CRTAC1: variants seen among roughly 807,000 people sequenced by gnomAD.
CRTAC1 encodes the protein acidic secreted protein in cartilage.
Under a neutral mutation model 67.8 loss-of-function variants are expected in CRTAC1, and 37 were observed. The observed-to-expected ratio is 0.55, with a 90% CI of 0.42 to 0.72. The LOEUF (loss-of-function observed/expected upper bound fraction) is 0.72, where lower values mean the gene tolerates loss of function less well. CRTAC1 is among the 30% of genes least tolerant of loss of function. The pLI, the probability that CRTAC1 is intolerant of heterozygous loss-of-function variation, is 0.00. For synonymous variants in CRTAC1, 348 were observed against 371.0 expected (o/e 0.94, Z 0.71); for missense variants, 780 against 931.6 (o/e 0.84, Z 2.12).
At chr10:97,982,570 T>C (rs1430957891) in intron 2 of CRTAC1, among the ~76,000 whole-genome samples, 2 of 152,290 alleles carry the variant, frequency 1.3e-5, no homozygotes, top group African/African-American at 2.4e-5. Context: ...ATCAGAAAAT[T>C]GGATGAAAGC....
intron 8 of CRTAC1, among the ~76,000 whole-genome samples, chr10:97,900,429 G>A (rs1327955617): frequency 6.6e-6 from 1 of 152,204 alleles, no homozygotes; most frequent in Non-Finnish European, 1.5e-5. Context: ...AAATAAACCT[G>A]TATTTACTTG....
Position 97,914,580 on chromosome 10 carries a change from C to T in CRTAC1, c.715+2920G>A, listed in dbSNP as rs527988532. Among the ~76,000 whole-genome samples the T allele has an allele frequency of 2.0e-5, 3 of 152,306 alleles. No homozygotes were observed. In the South Asian group the frequency reaches 6.2e-4, roughly 32 times the overall value. Reference sequence around the variant, plus strand: ...TGTGGCCTGGCTCCAGACCCTGTCCCCTCACCTGCTAGTTCAATGTCCTCA... The same window carrying T: ...TGTGGCCTGGCTCCAGACCCTGTCCTCTCACCTGCTAGTTCAATGTCCTCA... On this transcript the variant is annotated intron_variant, in intron 5 of 14. Transcript: ENST00000370597.
At chr10:97,979,828 G>A (rs565976323) in intron 2 of CRTAC1, among the ~76,000 whole-genome samples, 1 of 152,208 alleles carries the variant, frequency 6.6e-6, no homozygotes, top group East Asian at 1.9e-4. Context: ...CCTGCAGCAG[G>A]GGCTGAGAAG....
Position 97,884,275 on chromosome 10 carries a change from C to G in CRTAC1, c.1563G>C (p.Glu521Asp). 1.3e-6 allele frequency: 2 copies of G among 1,559,760 alleles called. No homozygotes were observed. Among genetic ancestry groups the G allele is most frequent in the Non-Finnish European group, 1.7e-6 (2 of 1,151,122 alleles). The change falls in exon 12 of 15, where the codon GAG becomes GAC. Residue 521 changes from glutamate (E) to aspartate (D), a missense_variant. Physicochemically the swap from Glu to Asp is conservative, Grantham distance 45 (BLOSUM62 2). Transcript: ENST00000370597. ...KMVSRNVASG[E>D]MNSVLEILYP... The stretch of plus-strand genomic sequence containing the variant: ...AGAGGATCTCCAGCACTGAGTTCAT[C>G]TCCCCGCTGGCCACGTTCCGGCTCA...
At chr10:97,928,099 G>A (rs2050949312) in intron 3 of CRTAC1, among the ~76,000 whole-genome samples, 1 of 152,226 alleles carries the variant, frequency 6.6e-6, no homozygotes, top group African/African-American at 2.4e-5. Context: ...AGCATTTGGG[G>A]CAGGGCAGGG....
intron 11 of CRTAC1, among the ~76,000 whole-genome samples, chr10:97,894,919 G>A (rs1371564576): frequency 4.0e-5 from 6 of 150,886 alleles, no homozygotes; most frequent in African/African-American, 7.3e-5. Context: ...GTTTGGACAC[G>A]TTTGGTGCAG....
At chr10:97,915,033 G>C (rs1324623412) in intron 5 of CRTAC1, among the ~76,000 whole-genome samples, 1 of 152,088 alleles carries the variant, frequency 6.6e-6, no homozygotes, top group Non-Finnish European at 1.5e-5. Context: ...CCGGTACCTG[G>C]ATAGCACCTT....
intron 14 of CRTAC1, among the ~76,000 whole-genome samples, chr10:97,877,382 T>C (rs536049): frequency 0.031 from 4,750 of 152,330 alleles, 105 homozygotes; most frequent in Non-Finnish European, 0.043. Context: ...TGGCACATAA[T>C]AGGTGCTCAA....
rs1178964380 is a variant in CRTAC1 at position 97,910,850 on chromosome 10, T to G, written c.716-2703A>C. 2.0e-5 allele frequency among the ~76,000 whole-genome samples: 3 copies of G among 152,332 alleles called. No homozygotes were observed. The South Asian group carries it at 6.2e-4, about 32-fold the overall frequency. On this transcript the variant is annotated intron_variant, in intron 5 of 14. Coordinates refer to ENST00000370597, the MANE Select transcript of CRTAC1 (RefSeq NM_018058.7). Reference sequence around the variant, plus strand: ...CATAGTTAACACATTCTGGGCTGGATGCCTCCCAGATTCCTCCCAGATAAT... The same window carrying G: ...CATAGTTAACACATTCTGGGCTGGAGGCCTCCCAGATTCCTCCCAGATAAT...
At position 97,877,675 on chromosome 10, in the gene CRTAC1, G is replaced by A. The variant is rs77299355; in HGVS notation, c.1819+2574C>T. 2.4e-3 allele frequency among the ~76,000 whole-genome samples: 372 copies of A among 152,314 alleles called. 1 individual carries two copies. The highest frequency in any genetic ancestry group is 8.6e-3 in the African/African-American group (357 of 41,564). On this transcript the variant is annotated intron_variant, in intron 14 of 14. Transcript: ENST00000370597. ...TGAATCAAATGGAAGCCTTATCCTG[G>A]AGTCTGAGTGCTGCAGTGGTGCTCT...
At chr10:97,882,004 C>T (rs2050221243) in intron 13 of CRTAC1, among the ~76,000 whole-genome samples, 1 of 152,202 alleles carries the variant, frequency 6.6e-6, no homozygotes, top group South Asian at 2.1e-4. Context: ...TGGTCGACAG[C>T]TGTTTACTTT....
chr10:97,971,195 A>C (rs2051705647), intron 2 of CRTAC1, among the ~76,000 whole-genome samples: 1 of 152,264 alleles, frequency 6.6e-6, no homozygotes, highest in Admixed American at 6.5e-5. Context: ...CATATTTTTC[A>C]TACCTTTTGA....
chr10:97,964,689 C>T (rs1564914735), intron 2 of CRTAC1, among the ~76,000 whole-genome samples: 1 of 152,184 alleles, frequency 6.6e-6, no homozygotes, highest in African/African-American at 2.4e-5. Flanking sequence ...ATTCGCCTGA[C>T]CTTATTAGGC....
At chr10:97,896,834 C>CGA in intron 9 of CRTAC1, 75 bp downstream of exon 9, 1 of 309,986 alleles carries the variant, frequency 3.2e-6, no homozygotes, top group Non-Finnish European at 6.9e-6. Context: ...GCTGCCCCGT[C>CGA]CCTCCCGCCC....
intron 2 of CRTAC1, among the ~76,000 whole-genome samples, chr10:97,938,352 T>C (rs2051122116): frequency 6.6e-6 from 1 of 152,186 alleles, no homozygotes; most frequent in Non-Finnish European, 1.5e-5. Context: ...CCATCACTAC[T>C]GCACCTTGTA....
Position 97,923,508 on chromosome 10 carries a change from A to AG in CRTAC1, c.422-109dup, listed in dbSNP as rs547712228. On this transcript the variant is annotated intron_variant, in intron 3 of 14. Transcript: ENST00000370597. ...TTCACAAGGTGGTTGGGACCAGAGG[A>AG]GGTTGGGTCATCTGCGGCAAGGAAG... 208 of 1,388,736 alleles carry AG rather than the reference A, an allele frequency of 1.5e-4. No homozygotes were observed. In the African/African-American group the frequency reaches 2.8e-3, roughly 18 times the overall value. 86.0% of individuals were successfully genotyped at this position (1,388,736 alleles called of 1,614,324 possible). A position where few individuals can be genotyped will look rare whatever the true frequency, so the allele number is the denominator to read the frequency against.
In CRTAC1 at chr10:97,990,719, C is replaced by A. The variant is rs140711225; in HGVS notation, c.224+20419G>T. Reference sequence around the variant, plus strand: ...GGAGTTGCTCTCATTCACCACTAACCTCCAGGGCTCAGCAAGGTGCCTTGC... The same window carrying A: ...GGAGTTGCTCTCATTCACCACTAACATCCAGGGCTCAGCAAGGTGCCTTGC... On this transcript the variant is annotated intron_variant, in intron 2 of 14. Coordinates refer to ENST00000370597, the MANE Select transcript of CRTAC1 (RefSeq NM_018058.7). Among the ~76,000 whole-genome samples the A allele has an allele frequency of 4.5e-3, 680 of 152,304 alleles. 5 individuals carry two copies. Among genetic ancestry groups the A allele is most frequent in the Admixed American group, 7.8e-3 (120 of 15,306 alleles).
rs766490642 is a variant in CRTAC1 at position 97,896,943 on chromosome 10, G to A, written c.1182C>T (p.Pro394=). ...HGDPLIEELN[P]GDALEPEGRG... is the part of the protein sequence containing the mutation. Reference sequence around the variant, plus strand: ...GGCCCTCAGGCTCCAAGGCGTCGCCGGGATTGAGCTCCTCGATGAGGGGGT... The same window carrying A: ...GGCCCTCAGGCTCCAAGGCGTCGCCAGGATTGAGCTCCTCGATGAGGGGGT... Residue 394 remains proline (P), a synonymous_variant, in exon 9 of 15, where the codon CCC becomes CCT. Coordinates refer to ENST00000370597, the MANE Select transcript of CRTAC1 (RefSeq NM_018058.7). 25 of 1,551,708 alleles carry A rather than the reference G, an allele frequency of 1.6e-5. No individual in the cohort carries two copies. The highest frequency in any genetic ancestry group is 2.0e-5 in the Non-Finnish European group (23 of 1,145,916).
At chr10:98,004,483 A>G (rs1257935142) in intron 2 of CRTAC1, among the ~76,000 whole-genome samples, 1 of 152,212 alleles carries the variant, frequency 6.6e-6, no homozygotes, top group Non-Finnish European at 1.5e-5. Context: ...AGTAAATACA[A>G]AAAGATTAGA....
Sources: allele counts gnomAD v4.1 joint callset (sites outside exome capture counted in the v4.1 genomes callset), GRCh38; gene constraint gnomAD v4.1.1; transcripts MANE v1.5; gene names NCBI Gene and HGNC (gene_info 2026-07-23, HGNC 2026-07-21).